The following PHACTR1 variants were observed in gnomAD, a reference collection of about 807,000 sequenced individuals.
PHACTR1 encodes RPEL repeat containing 1.
A neutral mutation model predicts 69.2 loss-of-function variants in PHACTR1; 16 were observed. That is an observed-to-expected ratio of 0.23 (90% CI 0.16 to 0.35). PHACTR1 has a LOEUF of 0.35. PHACTR1 is among the 10% of genes least tolerant of loss of function. PHACTR1 has a pLI of 1.00. For synonymous variants in PHACTR1, 312 were observed against 284.5 expected, an observed-to-expected ratio of 1.10 and a Z score of -0.97; for missense variants, 510 against 734.7, an observed-to-expected ratio of 0.69 and a Z score of 3.54.
At chr6:12,857,185 T>G (rs528381414) in intron 4 of PHACTR1, among the ~76,000 whole-genome samples, 1 of 152,328 alleles carries the variant, frequency 6.6e-6, no homozygotes, top group East Asian at 1.9e-4. Context: ...TATGAGGTGT[T>G]TTCTGCCTGC....
chr6:12,861,586 G>T (rs1036008014), intron 4 of PHACTR1, among the ~76,000 whole-genome samples: 2 of 152,204 alleles, frequency 1.3e-5, no homozygotes, highest in African/African-American at 4.8e-5. Flanking sequence ...ATGAAACAGG[G>T]TAGAGGCTCT....
chr6:13,105,322 T>C (rs1446359978), intron 5 of PHACTR1, among the ~76,000 whole-genome samples: 2 of 151,928 alleles, frequency 1.3e-5, no homozygotes, highest in Non-Finnish European at 2.9e-5. Context: ...GAGGCTACAG[T>C]GAGCCATGAT....
At chr6:13,145,602 T>G (rs1823214014) in intron 5 of PHACTR1, among the ~76,000 whole-genome samples, 1 of 152,148 alleles carries the variant, frequency 6.6e-6, no homozygotes, top group African/African-American at 2.4e-5. Context: ...GTAACTAAAG[T>G]TAAATGAGGT....
intron 4 of PHACTR1, among the ~76,000 whole-genome samples, chr6:12,888,316 A>G (rs1783846349): frequency 6.6e-6 from 1 of 152,114 alleles, no homozygotes; most frequent in South Asian, 2.1e-4. Context: ...GGCCCTCACC[A>G]GACACCAAAC....
chr6:12,757,022 A>C (rs752452211), intron 4 of PHACTR1, among the ~76,000 whole-genome samples: 2 of 152,226 alleles, frequency 1.3e-5, no homozygotes, highest in Non-Finnish European at 2.9e-5. Flanking sequence ...ATTATGAGCA[A>C]GAAACGTTAG....
intron 10 of PHACTR1, among the ~76,000 whole-genome samples, chr6:13,261,176 C>A (rs1032808371): frequency 6.6e-6 from 1 of 152,168 alleles, no homozygotes; most frequent in Non-Finnish European, 1.5e-5. Flanking sequence ...GCCTGGACCA[C>A]CCTTTCGAGA....
chr6:13,078,156 T>C (rs979821568), intron 5 of PHACTR1, among the ~76,000 whole-genome samples: 1 of 152,020 alleles, frequency 6.6e-6, no homozygotes, highest in African/African-American at 2.4e-5. Flanking sequence ...GAGCTGTTTT[T>C]TTTGGGGGGA....
chr6:12,980,069 G>A (rs1263325902), intron 4 of PHACTR1, among the ~76,000 whole-genome samples: 5 of 152,172 alleles, frequency 3.3e-5, no homozygotes, highest in Admixed American at 6.5e-5. Flanking sequence ...TGGAAAAGCT[G>A]ATGACATAAT....
At chr6:13,231,852 A>G (rs201230008) in intron 10 of PHACTR1, among the ~76,000 whole-genome samples, 4 of 152,206 alleles carry the variant, frequency 2.6e-5, no homozygotes, top group African/African-American at 9.7e-5. Context: ...TATAAGATAC[A>G]CCATTTGTAT....
chr6:13,185,539 T>C (rs1762727816), intron 7 of PHACTR1, among the ~76,000 whole-genome samples: 1 of 152,148 alleles, frequency 6.6e-6, no homozygotes, highest in Non-Finnish European at 1.5e-5. Flanking sequence ...TTAGCAATGT[T>C]GTTCTAAAAT....
At chr6:13,033,055 TTATG>T (rs1802706580) in intron 4 of PHACTR1, among the ~76,000 whole-genome samples, 1 of 152,224 alleles carries the variant, frequency 6.6e-6, no homozygotes, top group Non-Finnish European at 1.5e-5. Context: ...TTCCCCACTC[TTATG>T]ATTTCATTGT....
chr6:13,237,631 A>G (rs1772199436), intron 10 of PHACTR1, among the ~76,000 whole-genome samples: 1 of 152,220 alleles, frequency 6.6e-6, no homozygotes, highest in Admixed American at 6.5e-5. Flanking sequence ...TAAAATTAGC[A>G]TCTGTAGAAT....
rs543098207 is a variant in PHACTR1 at position 12,814,021 on chromosome 6, G to T, written c.250+64231G>T. Among the ~76,000 whole-genome samples, 8 of 152,332 alleles carry T rather than the reference G, an allele frequency of 5.3e-5. No individual in the cohort carries two copies. The East Asian group carries it at 1.5e-3, about 29-fold the overall frequency. On this transcript the variant is annotated intron_variant, in intron 4 of 14. Coordinates refer to ENST00000332995, the MANE Select transcript of PHACTR1 (RefSeq NM_030948.6). ...TTCTGAGCACCGCTGTTCATTCTCA[G>T]TCCAGCTCCTTCTGTTCCATTTCCC...
chr6:12,937,627 C>G (rs1789611512), intron 4 of PHACTR1, among the ~76,000 whole-genome samples: 1 of 151,952 alleles, frequency 6.6e-6, no homozygotes, highest in African/African-American at 2.4e-5. Context: ...AAAACAGGGG[C>G]AAGGTCTAAA....
intron 4 of PHACTR1, among the ~76,000 whole-genome samples, chr6:12,948,993 A>T (rs964814390): frequency 6.6e-6 from 1 of 152,188 alleles, no homozygotes; most frequent in African/African-American, 2.4e-5. Context: ...AAAATGGGCC[A>T]GGCGCAATGG....
intron 4 of PHACTR1, among the ~76,000 whole-genome samples, chr6:13,039,782 G>A (rs986935832): frequency 1.3e-5 from 2 of 152,194 alleles, no homozygotes; most frequent in Admixed American, 1.3e-4. Flanking sequence ...GGAAACTGTA[G>A]CTACTTATTG....
chr6:12,730,411 T>C (rs1352831860), intron 3 of PHACTR1, among the ~76,000 whole-genome samples: 2 of 152,076 alleles, frequency 1.3e-5, no homozygotes, highest in Non-Finnish European at 2.9e-5. Flanking sequence ...TTCTGGCTTG[T>C]ATTTTTATAA....
intron 4 of PHACTR1, among the ~76,000 whole-genome samples, chr6:12,883,210 CT>C (rs1039314485): frequency 8.6e-5 from 13 of 152,000 alleles, no homozygotes; most frequent in South Asian, 4.1e-4. Context: ...GAATGTCAGG[CT>C]TTTTTTGTTT....
intron 2 of PHACTR1, 37 bp from the exon 3 acceptor site, chr6:12,718,662 G>T (rs535018137): frequency 5.8e-5 from 35 of 602,364 alleles, no homozygotes; most frequent in Middle Eastern, 5.6e-4. Context: ...TATACTTGAC[G>T]TCTAAAATAT....
Sources: gnomAD v4.1 joint callset for allele counts (sites outside exome capture counted in the v4.1 genomes callset) on GRCh38, gnomAD v4.1.1 for gene constraint, MANE v1.5 for transcripts, NCBI Gene and HGNC (gene_info 2026-07-23, HGNC 2026-07-21) for gene names.